Variants in COL22A1 observed in about 807,000 individuals in gnomAD.
COL22A1 encodes collagen type XXII alpha 1 chain.
Under a neutral mutation model 248.9 loss-of-function variants are expected in COL22A1, and 221 were observed. That is an observed-to-expected ratio of 0.89 (90% CI 0.80 to 0.99). The LOEUF (loss-of-function observed/expected upper bound fraction) is 0.99, where lower values mean the gene tolerates loss of function less well. Among genes scored for constraint, COL22A1 ranks in the 50% least tolerant of loss-of-function variants. The probability of loss-of-function intolerance (pLI) is 0.00; values close to 1 mark genes in which losing one functional copy is unlikely to be tolerated. For missense variants in COL22A1, 2,240 were observed against 2,179.0 expected (o/e 1.03, Z -0.56); for synonymous variants, 891 against 793.4 (o/e 1.12, Z -2.07).
chr8:138,821,026 G>A, intron 7 of COL22A1, 110 bp downstream of exon 7: 1 of 1,231,590 alleles, frequency 8.1e-7, no homozygotes, highest in Non-Finnish European at 1.1e-6. Flanking sequence ...CCAAGGTGAT[G>A]ATTTGGTACC....
At chr8:138,727,565 G>A (rs1830410205) in intron 23 of COL22A1, among the ~76,000 whole-genome samples, 10 of 152,158 alleles carry the variant, frequency 6.6e-5, no homozygotes, top group Admixed American at 5.9e-4. Flanking sequence ...ACTAGAGGGC[G>A]AGAAATACCA....
chr8:138,636,900 T>C, intron 47 of COL22A1, 105 bp from the exon 48 acceptor site: 1 of 984,102 alleles, frequency 1.0e-6, no homozygotes, highest in South Asian at 1.3e-5. Context: ...TCTCCAAAAA[T>C]CTCTTATCAA....
chr8:138,730,520 G>C (rs1267361720), intron 23 of COL22A1, among the ~76,000 whole-genome samples: 1 of 152,158 alleles, frequency 6.6e-6, no homozygotes, highest in Non-Finnish European at 1.5e-5. Context: ...AAAAGCATCA[G>C]AGGGCTTAGG....
At chr8:138,765,341 A>G (rs1468376632) in intron 16 of COL22A1, among the ~76,000 whole-genome samples, 2 of 152,176 alleles carry the variant, frequency 1.3e-5, no homozygotes, top group African/African-American at 2.4e-5. Context: ...CTCTACCTCT[A>G]GATGAGGAAA....
At chr8:138,801,004 G>A (rs1418491028) in intron 11 of COL22A1, among the ~76,000 whole-genome samples, 2 of 152,232 alleles carry the variant, frequency 1.3e-5, no homozygotes, top group African/African-American at 2.4e-5. Flanking sequence ...CCGAGCTGAT[G>A]TGAGAGTTAA....
intron 1 of COL22A1, among the ~76,000 whole-genome samples, chr8:138,898,602 G>A (rs1814301428): frequency 6.6e-6 from 1 of 152,042 alleles, no homozygotes; most frequent in African/African-American, 2.4e-5. Context: ...TATCCCTCAA[G>A]GATAAAGGGA....
intron 47 of COL22A1, among the ~76,000 whole-genome samples, chr8:138,637,106 G>T (rs191089746): frequency 1.8e-3 from 275 of 152,262 alleles, no homozygotes; most frequent in Non-Finnish European, 2.4e-3. Context: ...AGATTTAGTT[G>T]TAGGCACTGG....
intron 3 of COL22A1, among the ~76,000 whole-genome samples, chr8:138,855,988 T>G (rs994716954): frequency 5.3e-5 from 8 of 152,126 alleles, no homozygotes; most frequent in Non-Finnish European, 7.4e-5. Flanking sequence ...GAGGGAGACT[T>G]TAAACAAAGC....
intron 44 of COL22A1, among the ~76,000 whole-genome samples, chr8:138,658,527 T>C (rs1823497798): frequency 6.6e-6 from 1 of 152,196 alleles, no homozygotes. Context: ...TGCAACACTT[T>C]GTGAGTATTG....
intron 35 of COL22A1, among the ~76,000 whole-genome samples, chr8:138,692,848 T>C (rs192822883): frequency 2.6e-5 from 4 of 152,252 alleles, no homozygotes; most frequent in Non-Finnish European, 4.4e-5. Flanking sequence ...GTCCCCACTG[T>C]GGCATCCACA....
chr8:138,663,938 GCTC>G (rs1002193263), intron 41 of COL22A1, among the ~76,000 whole-genome samples, 198 bp from the exon 42 acceptor site: 9 of 151,806 alleles, frequency 5.9e-5, no homozygotes, highest in African/African-American at 1.9e-4. Flanking sequence ...CTCTCTGGAA[GCTC>G]CTCCATTTGC....
At chr8:138,596,729 G>T (rs1486045253) in intron 62 of COL22A1, among the ~76,000 whole-genome samples, 175 bp downstream of exon 62, 1 of 152,210 alleles carries the variant, frequency 6.6e-6, no homozygotes, top group African/African-American at 2.4e-5. Context: ...GAGAAAGTAT[G>T]TGTCAGATAA....
chr8:138,707,596 C>T (rs1345926987), intron 30 of COL22A1, among the ~76,000 whole-genome samples: 2 of 152,096 alleles, frequency 1.3e-5, no homozygotes, highest in East Asian at 3.8e-4. Context: ...ACGCTTCATG[C>T]TAAAACTCTC....
At chr8:138,730,671 G>A (rs1462768097) in intron 23 of COL22A1, among the ~76,000 whole-genome samples, 1 of 152,190 alleles carries the variant, frequency 6.6e-6, no homozygotes, top group African/African-American at 2.4e-5. Flanking sequence ...CAGAATTCAT[G>A]AGATACCTGT....
chr8:138,713,248 G>A (rs997400707), intron 30 of COL22A1, among the ~76,000 whole-genome samples: 2 of 152,092 alleles, frequency 1.3e-5, no homozygotes, highest in Admixed American at 1.3e-4. Context: ...ATGGGGTGGG[G>A]GGGCGGTGCT....
chr8:138,767,014 G>T (rs1461479998), intron 16 of COL22A1, among the ~76,000 whole-genome samples: 1 of 152,196 alleles, frequency 6.6e-6, no homozygotes, highest in Non-Finnish European at 1.5e-5. Context: ...GTGGTTAACC[G>T]CACGACTCAG....
At chr8:138,755,607 T>C in intron 19 of COL22A1, 96 bp from the exon 20 acceptor site, 1 of 1,434,434 alleles carries the variant, frequency 7.0e-7, no homozygotes, top group South Asian at 1.1e-5. Flanking sequence ...TCACAGGCCA[T>C]GCTGTCATGT....
At position 138,731,440 on chromosome 8, in the gene COL22A1, G is replaced by T. The variant is rs563866221; in HGVS notation, c.2140-6000C>A. Among the ~76,000 whole-genome samples, 20 of 152,250 alleles carry T rather than the reference G, an allele frequency of 1.3e-4. No individual in the cohort carries two copies. In the South Asian group the frequency reaches 2.7e-3, roughly 21 times the overall value. ...CGCCAGCACTGGAAGAAGGTGATAG[G>T]GGGAGGGATGCAGGCAGACCAGGGG... On this transcript the variant is annotated intron_variant, in intron 23 of 64. Transcript: ENST00000303045.
At position 138,826,747 on chromosome 8, in the gene COL22A1, C is replaced by T. The variant is rs372910376; in HGVS notation, c.880G>A (p.Ala294Thr). The T allele has an allele frequency of 2.2e-5, 36 of 1,613,930 alleles. No individual in the cohort carries two copies. The highest frequency in any genetic ancestry group is 6.7e-5 in the Admixed American group (4 of 59,990). The stretch of plus-strand genomic sequence containing the variant: ...CTGAACCGGAAGGTTGTGACAAAGG[C>T]GTACTCATCAGGTAAACCTTGGGGG... ...VFPQGLPDEY[A>T]FVTTFRFRKT... The change falls in exon 6 of 65, where the codon GCC becomes ACC. Residue 294 changes from alanine to threonine, a missense_variant. Coordinates refer to ENST00000303045, the MANE Select transcript of COL22A1 (RefSeq NM_152888.3).
Sources: gnomAD v4.1 joint callset for allele counts (sites outside exome capture counted in the v4.1 genomes callset) on GRCh38, gnomAD v4.1.1 for gene constraint, MANE v1.5 for transcripts, NCBI Gene and HGNC (gene_info 2026-07-23, HGNC 2026-07-21) for gene names.